Variants in PSD2 observed in about 807,000 individuals in gnomAD.
PSD2 encodes PH and SEC7 domain-containing protein 2.
PSD2 carries 38 observed loss-of-function variants against 69.8 expected under a neutral mutation model. The ratio of observed to expected loss-of-function variants is 0.54; its 90% CI spans 0.42 to 0.71. The LOEUF (loss-of-function observed/expected upper bound fraction) is 0.71. Among genes scored for constraint, PSD2 ranks in the 30% least tolerant of loss-of-function variants. The probability of loss-of-function intolerance (pLI) is 0.00; values close to 1 mark genes in which losing one functional copy is unlikely to be tolerated. For missense variants in PSD2, 943 were observed against 1,014.5 expected (o/e 0.93, Z 0.96); for synonymous variants, 412 against 423.0 (o/e 0.97, Z 0.32).
the PSD2 span, among the ~76,000 whole-genome samples, chr5:139,765,650 A>G: frequency 6.6e-6 from 1 of 152,248 alleles, no homozygotes; most frequent in African/African-American, 2.4e-5. Context: ...GAGAGCGAGT[A>G]GTCAGCAGGA....
At position 139,814,955 on chromosome 5, in the gene PSD2, C is replaced by T. The variant is rs1760082008; in HGVS notation, c.1016+591C>T. ...GCACATTCTGCTCACATCTGACCAC[C>T]AGTGTGACCACCCACCACCTGCCCC... On this transcript the variant is annotated intron_variant, in intron 4 of 14. Coordinates refer to ENST00000274710, the MANE Select transcript of PSD2 (RefSeq NM_032289.4). The surrounding 1 kb of genome is among the most constrained non-coding windows in gnomAD (Gnocchi z 4.4). Among the ~76,000 whole-genome samples the T allele has an allele frequency of 1.3e-5, 2 of 152,174 alleles. No homozygotes were observed. Among genetic ancestry groups the T allele is most frequent in the Non-Finnish European group, 2.9e-5 (2 of 68,014 alleles).
chr5:139,752,531 T>C, the PSD2 span, among the ~76,000 whole-genome samples: 1 of 152,082 alleles, frequency 6.6e-6, no homozygotes, highest in Admixed American at 6.5e-5. Context: ...CAAATAGGCA[T>C]GAACAGGTGC....
At chr5:139,769,963 T>A in the PSD2 span, among the ~76,000 whole-genome samples, 1 of 152,204 alleles carries the variant, frequency 6.6e-6, no homozygotes, top group African/African-American at 2.4e-5. Context: ...ATCTTTGAAC[T>A]TGTGTTTTGT....
chr5:139,750,652 C>T, the PSD2 span, among the ~76,000 whole-genome samples: 1 of 152,194 alleles, frequency 6.6e-6, no homozygotes, highest in East Asian at 1.9e-4. Flanking sequence ...GCCCAAGCCC[C>T]TCCCACCCCT....
At chr5:139,756,019 C>T in the PSD2 span, among the ~76,000 whole-genome samples, 2 of 152,350 alleles carry the variant, frequency 1.3e-5, no homozygotes, top group South Asian at 4.1e-4. Flanking sequence ...AGTGTCCCCG[C>T]GGCTGCCGTC....
the PSD2 span, among the ~76,000 whole-genome samples, chr5:139,784,789 T>G: frequency 6.6e-6 from 1 of 151,864 alleles, no homozygotes. Flanking sequence ...GGAGTCTTGC[T>G]CTGTTGCCCA....
At position 139,828,422 on chromosome 5, in the gene PSD2, G is replaced by A. The variant is rs114802717; in HGVS notation, c.1270-5280G>A. Among the ~76,000 whole-genome samples the A allele has an allele frequency of 3.6e-3, 546 of 152,310 alleles. 3 individuals carry two copies. Among genetic ancestry groups the A allele is most frequent in the African/African-American group, 0.012 (485 of 41,560 alleles). Reference sequence around the variant, plus strand: ...CAACAGCGGGAGTTTCTGGCGAAGCGCATTGGGGCTGGATGGTGGAGGGCT... The same window carrying A: ...CAACAGCGGGAGTTTCTGGCGAAGCACATTGGGGCTGGATGGTGGAGGGCT... On this transcript the variant is annotated intron_variant, in intron 7 of 14. Coordinates refer to ENST00000274710, the MANE Select transcript of PSD2 (RefSeq NM_032289.4).
chr5:139,790,230 C>T, the PSD2 span, among the ~76,000 whole-genome samples: 4 of 151,792 alleles, frequency 2.6e-5, no homozygotes, highest in Admixed American at 6.6e-5. Flanking sequence ...ACCAGGCTGG[C>T]CTTGTGGTCG....
intron 5 of PSD2, 56 bp downstream of exon 5, chr5:139,817,617 T>C: frequency 7.2e-7 from 1 of 1,394,968 alleles, no homozygotes. Flanking sequence ...CACTTCTGGA[T>C]TCTCATGTCA....
the PSD2 span, among the ~76,000 whole-genome samples, chr5:139,763,009 G>A: frequency 6.6e-6 from 1 of 152,146 alleles, no homozygotes; most frequent in Admixed American, 6.5e-5. Flanking sequence ...AGAGAGGACA[G>A]GGAGCAATGA....
Position 139,817,499 on chromosome 5 carries a change from G to T in PSD2, c.1035G>T (p.Leu345=). The T allele has an allele frequency of 6.2e-7, 1 of 1,614,134 alleles. No homozygotes were observed. Among genetic ancestry groups the T allele is most frequent in the Non-Finnish European group, 8.5e-7 (1 of 1,179,978 alleles). The change falls in exon 5 of 15, where the codon CTG becomes CTT. Residue 345 remains leucine (L), a synonymous_variant. Coordinates refer to ENST00000274710, the MANE Select transcript of PSD2 (RefSeq NM_032289.4). Reference sequence around the variant, plus strand: ...CTGGCAGCAACGAGTTTAGCAGGCTGGTGGCCGGGGAGTACCTCAGTTTCT... The same window carrying T: ...CTGGCAGCAACGAGTTTAGCAGGCTTGTGGCCGGGGAGTACCTCAGTTTCT... The part of the protein sequence containing the change: ...QLGKNNEFSR[L]VAGEYLSFFD...
At chr5:139,793,362 G>T (rs1759453451), upstream of PSD2, among the ~76,000 whole-genome samples, 1 of 152,346 alleles carries the variant, frequency 6.6e-6, no homozygotes, top group Middle Eastern at 3.4e-3. Flanking sequence ...CCTCCAGGCA[G>T]CCCTCTGAGC....
chr5:139,758,993 G>A, the PSD2 span, among the ~76,000 whole-genome samples: 2 of 151,842 alleles, frequency 1.3e-5, no homozygotes, highest in Non-Finnish European at 2.9e-5. Flanking sequence ...GGATTGGCAG[G>A]GGCCTTCTTA....
At chr5:139,835,111 C>A (rs1760685206) in intron 8 of PSD2, among the ~76,000 whole-genome samples, 1 of 151,916 alleles carries the variant, frequency 6.6e-6, no homozygotes, top group African/African-American at 2.4e-5. Context: ...CATTTCCCCA[C>A]CCATTCACTT....
intron 4 of PSD2, among the ~76,000 whole-genome samples, chr5:139,816,290 C>T (rs1369483375): frequency 6.6e-6 from 1 of 152,182 alleles, no homozygotes; most frequent in Non-Finnish European, 1.5e-5. Flanking sequence ...AGTTCTTAAT[C>T]TCTCCAACAT....
intron 7 of PSD2, among the ~76,000 whole-genome samples, chr5:139,825,690 G>A (rs1326000750): frequency 6.6e-6 from 1 of 150,760 alleles, no homozygotes; most frequent in African/African-American, 2.4e-5. Flanking sequence ...TGTGGGGGTG[G>A]TGGTGAGTGG....
chr5:139,760,816 G>A, the PSD2 span, among the ~76,000 whole-genome samples: 6 of 152,148 alleles, frequency 3.9e-5, no homozygotes, highest in Non-Finnish European at 8.8e-5. Flanking sequence ...CAAGCCTGCT[G>A]GGTGTGTGCT....
the PSD2 span, among the ~76,000 whole-genome samples, chr5:139,761,345 C>A: frequency 6.6e-6 from 1 of 152,328 alleles, no homozygotes; most frequent in African/African-American, 2.4e-5. Context: ...TCCATTCTTT[C>A]CTGTCTCCCA....
chr5:139,758,533 A>G, the PSD2 span, among the ~76,000 whole-genome samples: 1 of 151,974 alleles, frequency 6.6e-6, no homozygotes, highest in African/African-American at 2.4e-5. Context: ...GCAGGAAGTC[A>G]CCTTGCTTCA....
Sources: allele counts gnomAD v4.1 joint callset (sites outside exome capture counted in the v4.1 genomes callset), GRCh38; gene constraint gnomAD v4.1.1; non-coding constraint Gnocchi (gnomAD v3.1); transcripts MANE v1.5; gene names NCBI Gene and HGNC (gene_info 2026-07-23, HGNC 2026-07-21).